DIP2B: variants seen among roughly 807,000 people sequenced by gnomAD.
DIP2B encodes the protein DIP2 acetate--CoA ligase B (putative).
In DIP2B, 76 loss-of-function variants were observed where a neutral mutation model predicts 198.0. That is an observed-to-expected ratio of 0.38 (90% CI 0.32 to 0.46). The LOEUF is 0.46. Among genes scored for constraint, DIP2B ranks in the 20% least tolerant of loss-of-function variants. The pLI, the probability that DIP2B is intolerant of heterozygous loss-of-function variation, is 0.99. For missense variants in DIP2B, 1,559 were observed against 1,978.4 expected (o/e 0.79, Z 4.02); for synonymous variants, 701 against 739.1 (o/e 0.95, Z 0.84).
At chr12:50,614,280 A>G (rs1426538294) in intron 1 of DIP2B, among the ~76,000 whole-genome samples, 1 of 151,648 alleles carries the variant, frequency 6.6e-6, no homozygotes, top group Non-Finnish European at 1.5e-5. Flanking sequence ...CTCTGCCTCC[A>G]TTTTCCTCAT....
In DIP2B at chr12:50,744,745, C is replaced by T. The variant is rs1348857451; in HGVS notation, c.4637C>T (p.Pro1546Leu). ...VVVVVDPGVI[P>L]INSRGEKQRM... is the part of the protein sequence containing the mutation. Reference sequence around the variant, plus strand: ...GTTGTGGTGGACCCAGGTGTCATCCCGATCAACTCCAGAGGAGAGAAGCAG... The same window carrying T: ...GTTGTGGTGGACCCAGGTGTCATCCTGATCAACTCCAGAGGAGAGAAGCAG... Residue 1546 changes from proline to leucine, a missense_variant, in exon 38 of 38, where the codon CCG becomes CTG. Pro to Leu is a moderately conservative substitution (Grantham distance 98). Transcript: ENST00000301180. The T allele has an allele frequency of 2.3e-5, 37 of 1,613,964 alleles. No homozygotes were observed. The Admixed American group carries it at 4.5e-4, about 20-fold the overall frequency.
chr12:50,618,836 T>C (rs932968455), intron 1 of DIP2B, among the ~76,000 whole-genome samples: 7 of 152,232 alleles, frequency 4.6e-5, no homozygotes, highest in African/African-American at 1.7e-4. Flanking sequence ...TCGAGTATTA[T>C]AATTTTCATT....
At chr12:50,565,123 C>G (rs1034393119) in intron 1 of DIP2B, among the ~76,000 whole-genome samples, 3 of 152,006 alleles carry the variant, frequency 2.0e-5, no homozygotes, top group African/African-American at 7.3e-5. Flanking sequence ...CCAGCTCAGC[C>G]CCCTGAGTAG....
chr12:50,653,893 A>G (rs531166160), intron 3 of DIP2B, among the ~76,000 whole-genome samples: 93 of 151,568 alleles, frequency 6.1e-4, no homozygotes, highest in Non-Finnish European at 1.2e-3. Context: ...TTTGTTTTTG[A>G]GACAGAGCCT....
chr12:50,552,583 A>G (rs1177321997), intron 1 of DIP2B, among the ~76,000 whole-genome samples: 1 of 151,924 alleles, frequency 6.6e-6, no homozygotes, highest in African/African-American at 2.4e-5. Flanking sequence ...TTATTTGGAA[A>G]TATTTTGTCT....
intron 1 of DIP2B, among the ~76,000 whole-genome samples, chr12:50,546,044 C>G (rs1168008887): frequency 2.6e-5 from 4 of 152,206 alleles, no homozygotes; most frequent in Non-Finnish European, 5.9e-5. Flanking sequence ...CTGAATATAG[C>G]AGGTGGCAGT....
chr12:50,656,802 C>T (rs908071900), intron 3 of DIP2B, among the ~76,000 whole-genome samples: 1 of 152,082 alleles, frequency 6.6e-6, no homozygotes, highest in African/African-American at 2.4e-5. Context: ...GAACTCCTGA[C>T]CTCAGGTGAT....
intron 1 of DIP2B, among the ~76,000 whole-genome samples, chr12:50,531,116 G>C (rs1392825028): frequency 1.3e-5 from 2 of 152,174 alleles, no homozygotes; most frequent in Admixed American, 6.5e-5. Context: ...CGCAATCTCA[G>C]CTCACTACAA....
chr12:50,717,194 CT>C (rs1482992023), intron 23 of DIP2B, among the ~76,000 whole-genome samples: 2 of 151,606 alleles, frequency 1.3e-5, no homozygotes, highest in Non-Finnish European at 2.9e-5. Flanking sequence ...ATCTGCCCCC[CT>C]CTGCCTCCCA....
At chr12:50,696,063 A>C in intron 16 of DIP2B, 96 bp downstream of exon 16, 1 of 1,528,794 alleles carries the variant, frequency 6.5e-7, no homozygotes, top group Non-Finnish European at 8.9e-7. Flanking sequence ...ATACTGAAAA[A>C]CTCACTCATT....
chr12:50,596,150 T>G (rs1430362932), intron 1 of DIP2B, among the ~76,000 whole-genome samples: 1 of 152,218 alleles, frequency 6.6e-6, no homozygotes, highest in East Asian at 1.9e-4. Context: ...TAGTTGAAGT[T>G]CCATGTTTCC....
At chr12:50,516,594 C>T (rs759624651) in intron 1 of DIP2B, among the ~76,000 whole-genome samples, 4 of 152,034 alleles carry the variant, frequency 2.6e-5, no homozygotes, top group Admixed American at 6.6e-5. Context: ...TAAGTTCCAA[C>T]ATAGGAATTT....
rs986273895 is a variant in DIP2B at position 50,748,194 on chromosome 12, G to A, written c.*3355G>A. On this transcript the variant is annotated 3_prime_UTR_variant, in exon 38 of 38. Transcript: ENST00000301180. ...ATAAATTACTTTCCTTGAATATCCA[G>A]GAATCTTTTAGTCTAAAGCAATGAG... The A allele has an allele frequency of 5.2e-5, 8 of 152,590 alleles. No homozygotes were observed. Among genetic ancestry groups the A allele is most frequent in the African/African-American group, 1.9e-4 (8 of 41,430 alleles). 9.5% of individuals were successfully genotyped at this position (152,590 alleles called of 1,614,324 possible).
At chr12:50,548,964 A>T (rs1958401022) in intron 1 of DIP2B, among the ~76,000 whole-genome samples, 1 of 152,204 alleles carries the variant, frequency 6.6e-6, no homozygotes. Context: ...ATGTGTGTTC[A>T]GGTTTCCTTC....
At chr12:50,716,361 GA>G (rs1939715471) in intron 23 of DIP2B, among the ~76,000 whole-genome samples, 1 of 152,014 alleles carries the variant, frequency 6.6e-6, no homozygotes. Flanking sequence ...TTTACATTTT[GA>G]AATAATTTCA....
intron 1 of DIP2B, among the ~76,000 whole-genome samples, chr12:50,613,849 A>C (rs536746614): frequency 1.3e-5 from 2 of 152,214 alleles, no homozygotes; most frequent in Non-Finnish European, 2.9e-5. Context: ...AGAAACTATA[A>C]ACTTCATCAC....
At chr12:50,586,492 A>C (rs568643039) in intron 1 of DIP2B, among the ~76,000 whole-genome samples, 101 of 152,372 alleles carry the variant, frequency 6.6e-4, no homozygotes, top group African/African-American at 2.0e-3. Flanking sequence ...CTTTAAAAAA[A>C]ACTTGAAGAA....
At position 50,724,869 on chromosome 12, in the gene DIP2B, C is replaced by T. The variant is rs1325625071; in HGVS notation, c.3383C>T (p.Pro1128Leu). 1 of 1,614,130 alleles carries T rather than the reference C, an allele frequency of 6.2e-7. No homozygotes were observed. Among genetic ancestry groups the T allele is most frequent in the South Asian group, 1.1e-5 (1 of 91,074 alleles). The change falls in exon 28 of 38, where the codon CCA becomes CTA. Residue 1128 changes from proline (P) to leucine (L), a missense_variant. Pro to Leu is a moderately conservative substitution (Grantham distance 98, BLOSUM62 -3). Transcript: ENST00000301180. ...AAAAVDVKTW[P>L]TIIDTDDLPR... Reference sequence around the variant, plus strand: ...GCAGCTGTGGATGTGAAAACCTGGCCAACCATCATTGACACAGGTGAAAGG... The same window carrying T: ...GCAGCTGTGGATGTGAAAACCTGGCTAACCATCATTGACACAGGTGAAAGG...
At chr12:50,742,845 A>G (rs1488690268) in intron 37 of DIP2B, among the ~76,000 whole-genome samples, 3 of 151,980 alleles carry the variant, frequency 2.0e-5, no homozygotes, top group Non-Finnish European at 4.4e-5. Context: ...GCAATGGGCC[A>G]AGATTGCGCC....
Sources: gnomAD v4.1 joint callset for allele counts (sites outside exome capture counted in the v4.1 genomes callset) on GRCh38, gnomAD v4.1.1 for gene constraint, MANE v1.5 for transcripts, NCBI Gene and HGNC (gene_info 2026-07-23, HGNC 2026-07-21) for gene names.